XKR9: variants seen among roughly 807,000 people sequenced by gnomAD.
The protein encoded by XKR9 is XK-related protein 9.
XKR9 carries 32 observed loss-of-function variants against 32.0 expected under a neutral mutation model. The observed-to-expected ratio is 1.00, with a 90% CI of 0.76 to 1.34. XKR9 has a LOEUF of 1.34. Among genes scored for constraint, XKR9 ranks in the 40% most tolerant of loss-of-function variants. XKR9 has a pLI of 0.00. For missense variants in XKR9, 546 were observed against 429.7 expected, an observed-to-expected ratio of 1.27 and a Z score of -2.39; for synonymous variants, 168 against 143.4, an observed-to-expected ratio of 1.17 and a Z score of -1.22.
chr8:70,718,188 C>G (rs1000592060), intron 4 of XKR9, among the ~76,000 whole-genome samples: 3 of 152,194 alleles, frequency 2.0e-5, no homozygotes, highest in Admixed American at 6.5e-5. Flanking sequence ...TTCCTATCTT[C>G]TTCAGAGCCC....
At chr8:70,713,363 G>C (rs1805983906) in intron 4 of XKR9, among the ~76,000 whole-genome samples, 1 of 152,136 alleles carries the variant, frequency 6.6e-6, no homozygotes, top group Non-Finnish European at 1.5e-5. Flanking sequence ...TGGAGTGGAA[G>C]CAATATTTGA....
At chr8:70,965,439 G>A in the XKR9 span, among the ~76,000 whole-genome samples, 1 of 152,158 alleles carries the variant, frequency 6.6e-6, no homozygotes, top group East Asian at 1.9e-4. Flanking sequence ...GTCAGGTTTT[G>A]ATATCAGGAT....
At chr8:70,806,214 C>A in the XKR9 span, among the ~76,000 whole-genome samples, 1 of 152,158 alleles carries the variant, frequency 6.6e-6, no homozygotes, top group South Asian at 2.1e-4. Context: ...AAAGTAACAA[C>A]AATAGCATCG....
intron 2 of XKR9, among the ~76,000 whole-genome samples, chr8:70,745,828 G>T (rs1807050964): frequency 6.6e-5 from 10 of 152,140 alleles, no homozygotes; most frequent in Admixed American, 6.5e-4. Flanking sequence ...ACAATATCTT[G>T]ATGCTCATTT....
chr8:70,813,784 C>G, the XKR9 span, among the ~76,000 whole-genome samples: 1 of 152,166 alleles, frequency 6.6e-6, no homozygotes, highest in Admixed American at 6.5e-5. Flanking sequence ...ATTAAAAAGT[C>G]AGGAAACAAC....
rs1310294447 is a variant in XKR9, at chr8:70,741,407, G to C, written n.352+34254G>C. Among the ~76,000 whole-genome samples the C allele has an allele frequency of 2.0e-5, 3 of 152,300 alleles. No individual in the cohort carries two copies. The South Asian group carries it at 6.2e-4, about 32-fold the overall frequency. On this transcript the variant is annotated intron_variant and non_coding_transcript_variant, in intron 2 of 3. Transcript: ENST00000520273. Reference sequence around the variant, plus strand: ...GCCTTCCCAGGCTCTGAAACCATTAGTGAAGTAAACTTTTCTTTATAAATT... The same window carrying C: ...GCCTTCCCAGGCTCTGAAACCATTACTGAAGTAAACTTTTCTTTATAAATT...
chr8:70,856,563 A>G, the XKR9 span, among the ~76,000 whole-genome samples: 1 of 152,172 alleles, frequency 6.6e-6, no homozygotes, highest in Non-Finnish European at 1.5e-5. Context: ...AGACAGATCA[A>G]TGAGACAGAA....
At chr8:70,771,613 G>A (rs1807454417) in intron 2 of XKR9, among the ~76,000 whole-genome samples, 1 of 152,178 alleles carries the variant, frequency 6.6e-6, no homozygotes, top group South Asian at 2.1e-4. Context: ...GGGATCAAGT[G>A]ACTGTTTTAG....
the XKR9 span, among the ~76,000 whole-genome samples, chr8:70,830,513 G>A: frequency 1.1e-4 from 16 of 152,138 alleles, no homozygotes; most frequent in African/African-American, 3.9e-4. Flanking sequence ...CTTGGGCCTG[G>A]GAGGTCAAGG....
intron 3 of XKR9, among the ~76,000 whole-genome samples, chr8:70,696,232 G>A (rs542590486): frequency 9.2e-5 from 14 of 152,206 alleles, no homozygotes; most frequent in African/African-American, 3.1e-4. Flanking sequence ...ATTGCTTTTG[G>A]TGTTTTAGAC....
the XKR9 span, among the ~76,000 whole-genome samples, chr8:70,962,835 T>C: frequency 2.0e-5 from 3 of 152,204 alleles, no homozygotes; most frequent in African/African-American, 7.2e-5. Flanking sequence ...CTGTACTAAT[T>C]AGGACTCTGG....
At chr8:71,036,134 T>C in the XKR9 span, among the ~76,000 whole-genome samples, 2 of 152,204 alleles carry the variant, frequency 1.3e-5, no homozygotes, top group African/African-American at 4.8e-5. Flanking sequence ...TTATATGAAA[T>C]ACATTTATAT....
rs146742776 is a variant in XKR9 at position 70,779,691 on chromosome 8, G to A, written n.353-9648G>A. 2.6e-5 allele frequency among the ~76,000 whole-genome samples: 4 copies of A among 152,114 alleles called. No individual in the cohort carries two copies. In the East Asian group the frequency reaches 7.7e-4, roughly 29 times the overall value. On this transcript the variant is annotated intron_variant and non_coding_transcript_variant, in intron 2 of 3. Transcript: ENST00000520273. ...TCCTGGCTTAGTCTTGGGAGGGTGTGTGTGTCCAGGAATTTATCCATTTCT... is the reference window on the plus strand; with the variant it reads ...TCCTGGCTTAGTCTTGGGAGGGTGTATGTGTCCAGGAATTTATCCATTTCT...
At chr8:70,889,396 A>G in the XKR9 span, among the ~76,000 whole-genome samples, 1 of 151,260 alleles carries the variant, frequency 6.6e-6, no homozygotes, top group Admixed American at 6.6e-5. Flanking sequence ...AATTTTAAAA[A>G]CTTTTATCGT....
chr8:70,801,322 C>T, the XKR9 span, among the ~76,000 whole-genome samples: 1 of 152,234 alleles, frequency 6.6e-6, no homozygotes, highest in East Asian at 1.9e-4. Context: ...TCCCTCCTAA[C>T]ACTAACACTG....
the XKR9 span, among the ~76,000 whole-genome samples, chr8:70,933,725 G>C: frequency 6.6e-6 from 1 of 151,918 alleles, no homozygotes; most frequent in Non-Finnish European, 1.5e-5. Flanking sequence ...GATGATTGGG[G>C]CCCAGAAATA....
the XKR9 span, among the ~76,000 whole-genome samples, chr8:70,838,465 C>G: frequency 6.6e-6 from 1 of 152,048 alleles, no homozygotes; most frequent in African/African-American, 2.4e-5. Flanking sequence ...TATAATGTGT[C>G]AGGCATTCTG....
At chr8:70,983,422 T>C in the XKR9 span, among the ~76,000 whole-genome samples, 2 of 152,194 alleles carry the variant, frequency 1.3e-5, no homozygotes, top group African/African-American at 2.4e-5. Context: ...GCAGACTCCA[T>C]GCAGGCTGGC....
chr8:70,885,027 G>T, the XKR9 span, among the ~76,000 whole-genome samples: 4 of 151,426 alleles, frequency 2.6e-5, no homozygotes, highest in Non-Finnish European at 5.9e-5. Flanking sequence ...CTCTCCATTT[G>T]TTTAGTACTT....
Sources: allele counts gnomAD v4.1 joint callset (sites outside exome capture counted in the v4.1 genomes callset), GRCh38; gene constraint gnomAD v4.1.1; transcripts MANE v1.5; gene names NCBI Gene and HGNC (gene_info 2026-07-23, HGNC 2026-07-21).